The following TCF20 variants were observed in gnomAD, a reference collection of about 807,000 sequenced individuals.
The protein encoded by TCF20 is transcription factor 20.
Under a neutral mutation model 148.6 loss-of-function variants are expected in TCF20, and 3 were observed. The ratio of observed to expected loss-of-function variants is 0.02; its 90% CI spans 0.01 to 0.05. TCF20 has a LOEUF of 0.05. TCF20 is among the 10% of genes least tolerant of loss of function. The pLI, the probability that TCF20 is intolerant of heterozygous loss-of-function variation, is 1.00. For missense variants in TCF20, 2,350 were observed against 2,429.3 expected (o/e 0.97, Z 0.69); for synonymous variants, 1,049 against 909.5 (o/e 1.15, Z -2.76).
chr22:42,333,811 A>G (rs1928019203), intron 1 of TCF20, among the ~76,000 whole-genome samples: 1 of 152,108 alleles, frequency 6.6e-6, no homozygotes, highest in Non-Finnish European at 1.5e-5. Context: ...CTCACCCACT[A>G]TGTGCCAGGC....
At chr22:42,310,363 C>T (rs1487661805) in intron 1 of TCF20, among the ~76,000 whole-genome samples, 2 of 151,412 alleles carry the variant, frequency 1.3e-5, no homozygotes, top group Non-Finnish European at 2.9e-5. Context: ...GGCTACGGAG[C>T]CCATGTCCCA....
intron 1 of TCF20, among the ~76,000 whole-genome samples, chr22:42,330,708 G>A (rs911414456): frequency 1.3e-5 from 2 of 152,246 alleles, no homozygotes; most frequent in Non-Finnish European, 2.9e-5. Context: ...GGCCTGCCTT[G>A]AGGGCTGTGG....
intron 1 of TCF20, among the ~76,000 whole-genome samples, chr22:42,224,453 G>A (rs1245112302): frequency 1.4e-5 from 2 of 140,984 alleles, no homozygotes; most frequent in African/African-American, 5.3e-5. Context: ...GGCAACAAGC[G>A]AGACTCTGTC....
chr22:42,296,994 A>T (rs1927249071), intron 1 of TCF20, among the ~76,000 whole-genome samples: 2 of 152,238 alleles, frequency 1.3e-5, no homozygotes, highest in Admixed American at 1.3e-4. Context: ...AAGGTGCTAT[A>T]GTTAAACCCA....
At chr22:42,288,000 AG>A (rs1317140195), upstream of TCF20, among the ~76,000 whole-genome samples, 5 of 152,234 alleles carry the variant, frequency 3.3e-5, no homozygotes, top group African/African-American at 1.2e-4. Flanking sequence ...CGGCAAGTCC[AG>A]CACCCTGGGC....
At chr22:42,256,477 T>G (rs1213490318) in intron 1 of TCF20, among the ~76,000 whole-genome samples, 5 of 152,094 alleles carry the variant, frequency 3.3e-5, no homozygotes, top group African/African-American at 7.2e-5. Context: ...GCAAAGTTTT[T>G]TTTTTTTTTT....
intron 1 of TCF20, among the ~76,000 whole-genome samples, chr22:42,334,025 A>C (rs949959792): frequency 6.6e-6 from 1 of 152,184 alleles, no homozygotes; most frequent in African/African-American, 2.4e-5. Context: ...GTGACTCAAC[A>C]TAATGGTACC....
intron 1 of TCF20, among the ~76,000 whole-genome samples, chr22:42,335,089 G>A (rs990404749): frequency 5.9e-5 from 9 of 152,094 alleles, no homozygotes; most frequent in South Asian, 2.1e-4. Context: ...AGAGACATCC[G>A]AGACCATTCC....
chr22:42,287,373 G>A (rs956039224), upstream of TCF20, among the ~76,000 whole-genome samples: 2 of 152,194 alleles, frequency 1.3e-5, no homozygotes, highest in African/African-American at 4.8e-5. Context: ...CTGAGGCCCA[G>A]AGAACGGAAC....
chr22:42,258,527 T>C (rs1925862723), intron 1 of TCF20, among the ~76,000 whole-genome samples: 1 of 152,220 alleles, frequency 6.6e-6, no homozygotes. Flanking sequence ...CATCAGAATT[T>C]ACGCATGCTC....
intron 1 of TCF20, among the ~76,000 whole-genome samples, chr22:42,233,809 C>T (rs1461360770): frequency 6.6e-6 from 1 of 152,162 alleles, no homozygotes; most frequent in Non-Finnish European, 1.5e-5. Flanking sequence ...CTGCTCTGAA[C>T]CTCACCTCTC....
chr22:42,214,340 T>A lies in TCF20; in HGVS notation c.966A>T (p.Gln322His). The stretch of plus-strand genomic sequence containing the variant: ...ACTGCATCACATGCTGAGAAGGGTG[T>A]TGTTGTTGCTGCGGTTGCTGCTGCT... ...GQQQQQPQQQQHPSQHVMQYT... is the reference protein window; with the variant it reads ...GQQQQQPQQQHHPSQHVMQYT... Residue 322 changes from glutamine to histidine, a missense_variant, in exon 2 of 6, where the codon CAA becomes CAT. By Grantham distance (24) the Gln-to-His change is conservative (BLOSUM62 0). This residue lies in a region of TCF20 where 1,641 missense variants were observed against 1,662.6 expected (regional missense o/e 0.99). Coordinates refer to ENST00000677622, the MANE Select transcript of TCF20 (RefSeq NM_001378418.1). 6.2e-7 allele frequency: 1 copy of A among 1,609,562 alleles called. No individual in the cohort carries two copies. The highest frequency in any genetic ancestry group is 1.1e-5 in the South Asian group (1 of 91,052).
intron 1 of TCF20, among the ~76,000 whole-genome samples, chr22:42,217,864 A>C (rs1448249024): frequency 6.6e-6 from 1 of 152,218 alleles, no homozygotes; most frequent in Non-Finnish European, 1.5e-5. Flanking sequence ...CCAAATTCTA[A>C]AAGCTTGACC....
chr22:42,220,615 C>G (rs1044370085), intron 1 of TCF20, among the ~76,000 whole-genome samples: 10 of 152,138 alleles, frequency 6.6e-5, no homozygotes, highest in Admixed American at 1.3e-4. Context: ...CCTGTTTGCC[C>G]CCACAGCCTC....
chr22:42,208,452 C>T (rs78099701), intron 2 of TCF20, among the ~76,000 whole-genome samples: 2,692 of 152,172 alleles, frequency 0.018, 92 homozygotes, highest in African/African-American at 0.061. Flanking sequence ...CACAGTGAGA[C>T]CTTGTTTCTG....
chr22:42,168,307 G>A (rs1935912691), intron 5 of TCF20, among the ~76,000 whole-genome samples: 1 of 152,140 alleles, frequency 6.6e-6, no homozygotes, highest in Non-Finnish European at 1.5e-5. Context: ...GCCCAAGAAA[G>A]AGACCTAAAA....
At chr22:42,198,239 G>T (rs1022181411) in intron 2 of TCF20, among the ~76,000 whole-genome samples, 8 of 152,212 alleles carry the variant, frequency 5.3e-5, no homozygotes, top group African/African-American at 1.7e-4. Flanking sequence ...TGATGATGGA[G>T]ACTCACAAGG....
At chr22:42,319,369 G>A (rs116589976) in intron 1 of TCF20, among the ~76,000 whole-genome samples, 7,443 of 152,192 alleles carry the variant, frequency 0.049, 233 homozygotes, top group South Asian at 0.16. Context: ...AAGCAACCCC[G>A]GCTCCACTCC....
chr22:42,271,405 G>A (rs143415905), upstream of TCF20, among the ~76,000 whole-genome samples: 13 of 152,380 alleles, frequency 8.5e-5, no homozygotes, highest in East Asian at 2.5e-3. Context: ...ATAAGGCGGA[G>A]GATTTGCGGT....
Sources: gnomAD v4.1 joint callset for allele counts (sites outside exome capture counted in the v4.1 genomes callset) on GRCh38, gnomAD v4.1.1 for gene constraint, gnomAD v4.1.1 regional missense constraint, MANE v1.5 for transcripts, NCBI Gene and HGNC (gene_info 2026-07-23, HGNC 2026-07-21) for gene names.